CELF1: variants seen among roughly 807,000 people sequenced by gnomAD.
CELF1 encodes 50 kDa nuclear polyadenylated RNA-binding protein.
Under a neutral mutation model 61.8 loss-of-function variants are expected in CELF1, and 10 were observed. The ratio of observed to expected loss-of-function variants is 0.16; its 90% CI spans 0.10 to 0.27. The LOEUF (loss-of-function observed/expected upper bound fraction) is 0.27. Among genes scored for constraint, CELF1 ranks in the 10% least tolerant of loss-of-function variants. The pLI, the probability that CELF1 is intolerant of heterozygous loss-of-function variation, is 1.00. For synonymous variants in CELF1, 236 were observed against 225.1 expected, an observed-to-expected ratio of 1.05 and a Z score of -0.43; for missense variants, 380 against 639.1, an observed-to-expected ratio of 0.59 and a Z score of 4.37.
At chr11:47,543,740 C>T (rs1323811069) in intron 1 of CELF1, among the ~76,000 whole-genome samples, 1 of 150,598 alleles carries the variant, frequency 6.6e-6, no homozygotes, top group Non-Finnish European at 1.5e-5. Context: ...GACCCGTGGA[C>T]CCCTGTCCCC....
At chr11:47,494,737 T>A (rs949799875) in intron 3 of CELF1, among the ~76,000 whole-genome samples, 1 of 152,216 alleles carries the variant, frequency 6.6e-6, no homozygotes, top group East Asian at 1.9e-4. Flanking sequence ...CCTTGACCTA[T>A]GCTTAAAACA....
intron 1 of CELF1, among the ~76,000 whole-genome samples, chr11:47,514,274 C>T (rs1386643344): frequency 2.0e-5 from 3 of 152,070 alleles, no homozygotes; most frequent in East Asian, 1.9e-4. Context: ...TATAATACTG[C>T]ACAACCTACT....
chr11:47,492,049 C>T (rs373445656), intron 3 of CELF1, among the ~76,000 whole-genome samples: 2 of 152,212 alleles, frequency 1.3e-5, no homozygotes, highest in African/African-American at 4.8e-5. Context: ...ATGACCACAG[C>T]TAACTGCAGC....
At chr11:47,507,432 G>A (rs1318670720) in intron 1 of CELF1, among the ~76,000 whole-genome samples, 1 of 151,956 alleles carries the variant, frequency 6.6e-6, no homozygotes, top group Non-Finnish European at 1.5e-5. Context: ...GCATCTTGGT[G>A]GCCCTAGGGT....
intron 1 of CELF1, among the ~76,000 whole-genome samples, chr11:47,514,336 G>A (rs1751582023): frequency 6.6e-6 from 1 of 152,060 alleles, no homozygotes; most frequent in Non-Finnish European, 1.5e-5. Context: ...CATTATTAAA[G>A]GATCAGAGCC....
chr11:47,548,806 C>T (rs1033764845), intron 1 of CELF1, among the ~76,000 whole-genome samples: 1 of 139,858 alleles, frequency 7.2e-6, no homozygotes, highest in African/African-American at 2.7e-5. Flanking sequence ...GCGGAAGTTG[C>T]AGTGAGCAGA....
intron 1 of CELF1, among the ~76,000 whole-genome samples, chr11:47,551,502 G>A (rs1350527476): frequency 1.3e-5 from 2 of 152,320 alleles, no homozygotes; most frequent in South Asian, 2.1e-4. Context: ...GTTTGTGCAT[G>A]CTATTGTAAT....
chr11:47,558,505 T>A (rs2097212776), intron 2 of CELF1, among the ~76,000 whole-genome samples: 1 of 124,150 alleles, frequency 8.1e-6, no homozygotes, highest in Non-Finnish European at 1.6e-5. Flanking sequence ...TATATTATAT[T>A]ATATAAATAA....
chr11:47,481,436 G>A (rs1408432632), intron 9 of CELF1, among the ~76,000 whole-genome samples: 1 of 151,934 alleles, frequency 6.6e-6, no homozygotes, highest in East Asian at 1.9e-4. Context: ...GGCCTAAACT[G>A]GGATTTCTTA....
intron 10 of CELF1, among the ~76,000 whole-genome samples, chr11:47,478,362 T>G (rs1355936170): frequency 1.3e-5 from 2 of 152,146 alleles, no homozygotes; most frequent in African/African-American, 4.8e-5. Flanking sequence ...TAGCTCAGGT[T>G]TGTTGTGGCA....
chr11:47,479,479 A>G (rs1157536467), intron 9 of CELF1, among the ~76,000 whole-genome samples: 1 of 152,258 alleles, frequency 6.6e-6, no homozygotes, highest in South Asian at 2.1e-4. Flanking sequence ...ACAATGGACC[A>G]CATGACTAAT....
At chr11:47,551,459 A>C (rs548603313) in intron 1 of CELF1, among the ~76,000 whole-genome samples, 17 of 152,350 alleles carry the variant, frequency 1.1e-4, no homozygotes, top group African/African-American at 3.4e-4. Flanking sequence ...AGAATATAAA[A>C]ATTAACATGA....
intron 3 of CELF1, among the ~76,000 whole-genome samples, chr11:47,498,596 T>C (rs1417675692): frequency 6.6e-6 from 1 of 152,230 alleles, no homozygotes; most frequent in Non-Finnish European, 1.5e-5. Flanking sequence ...TTTAATATTC[T>C]TGGCTTTGAA....
intron 1 of CELF1, among the ~76,000 whole-genome samples, chr11:47,547,090 A>AAAG (rs1555191984): frequency 6.9e-6 from 1 of 145,638 alleles, no homozygotes; most frequent in African/African-American, 2.5e-5. Context: ...AAAAAAAAAA[A>AAAG]AAAGAAAGAA....
At chr11:47,537,975 A>G (rs985757903) in intron 1 of CELF1, among the ~76,000 whole-genome samples, 1 of 150,754 alleles carries the variant, frequency 6.6e-6, no homozygotes, top group South Asian at 2.1e-4. Context: ...GCTGGAGTAC[A>G]TTGGCACAAT....
intron 1 of CELF1, among the ~76,000 whole-genome samples, chr11:47,501,778 A>C (rs953885184): frequency 6.6e-6 from 1 of 152,242 alleles, no homozygotes; most frequent in East Asian, 1.9e-4. Flanking sequence ...AGCTGAGATC[A>C]CGCCACTGCA....
intron 4 of CELF1, among the ~76,000 whole-genome samples, chr11:47,488,456 C>T (rs545753016): frequency 1.1e-4 from 16 of 152,306 alleles, no homozygotes; most frequent in African/African-American, 3.6e-4. Flanking sequence ...CTAAAGAAAA[C>T]TTTATGTGGT....
At chr11:47,494,158 G>T (rs1195873282) in intron 3 of CELF1, among the ~76,000 whole-genome samples, 1 of 152,238 alleles carries the variant, frequency 6.6e-6, no homozygotes, top group Non-Finnish European at 1.5e-5. Flanking sequence ...TCCTGGGGCA[G>T]TACTGCCAGC....
At chr11:47,475,738 T>C (rs1227548286) in intron 12 of CELF1, among the ~76,000 whole-genome samples, 1 of 152,186 alleles carries the variant, frequency 6.6e-6, no homozygotes, top group Non-Finnish European at 1.5e-5. Context: ...TACGCGGGTG[T>C]TGTGCTCCCC....
Sources: allele counts gnomAD v4.1 joint callset (sites outside exome capture counted in the v4.1 genomes callset), GRCh38; gene constraint gnomAD v4.1.1; transcripts MANE v1.5; gene names NCBI Gene and HGNC (gene_info 2026-07-23, HGNC 2026-07-21).